CHAT: variants seen among roughly 807,000 people sequenced by gnomAD.
CHAT encodes acetyl CoA:choline O-acetyltransferase.
A neutral mutation model predicts 76.9 loss-of-function variants in CHAT; 61 were observed. That is an observed-to-expected ratio of 0.79 (90% CI 0.65 to 0.98). CHAT has a LOEUF of 0.98. Ranked by LOEUF, CHAT falls within the 50% of genes least tolerant of loss-of-function variation. The probability of loss-of-function intolerance (pLI) is 0.00; values close to 1 mark genes in which losing one functional copy is unlikely to be tolerated. For synonymous variants in CHAT, 407 were observed against 397.4 expected, an observed-to-expected ratio of 1.02 and a Z score of -0.29; for missense variants, 946 against 986.9, an observed-to-expected ratio of 0.96 and a Z score of 0.56.
chr10:49,657,221 G>A (rs1840062928), intron 13 of CHAT, among the ~76,000 whole-genome samples: 1 of 152,128 alleles, frequency 6.6e-6, no homozygotes, highest in African/African-American at 2.4e-5. Flanking sequence ...TTCCAAGATG[G>A]TGCCATGTTG....
At chr10:49,615,364 T>C (rs954623326) in intron 1 of CHAT, among the ~76,000 whole-genome samples, 7 of 152,196 alleles carry the variant, frequency 4.6e-5, no homozygotes, top group African/African-American at 1.7e-4. Flanking sequence ...GGAACAAGCC[T>C]GTGGAGAGTG....
rs144201847 is a variant in CHAT, at chr10:49,646,284, G to A, written c.1112-221G>A. On this transcript the variant is annotated intron_variant, in intron 7 of 14. Transcript: ENST00000337653. ...AGCAGGGCTCCTGCAGGGACCGTGC[G>A]AATGAGCTGGGATCCTGGGGTAGGA... Among the ~76,000 whole-genome samples the A allele has an allele frequency of 1.1e-3, 171 of 152,338 alleles. 1 individual carries two copies. The highest frequency in any genetic ancestry group is 2.4e-3 in the African/African-American group (101 of 41,584).
Position 49,648,518 on chromosome 10 carries a change from C to A in CHAT, c.1293C>A (p.Gly431=). The change falls in exon 9 of 15, where the codon GGC becomes GGA. Residue 431 remains glycine, a synonymous_variant. Coordinates refer to ENST00000337653, the MANE Select transcript of CHAT (RefSeq NM_020549.5). ...CTTTCCTGTTGCAGTTTGTGGTGGG[C>A]CGAGACGGCACCTGCGGTGTGGTGT... ...WYDKSLQFVV[G]RDGTCGVVCE... 1 of 1,613,692 alleles carries A rather than the reference C, an allele frequency of 6.2e-7. No homozygotes were observed.
In CHAT at chr10:49,667,619, G is replaced by A. The variant is rs961153440; in HGVS notation, c.*2573G>A. On this transcript the variant is annotated 3_prime_UTR_variant, in exon 15 of 15. Transcript: ENST00000337653. ...AAGGGCATCTCTGCGGGGACCCTGG[G>A]AAAGGAGCCTGCTCCAGGTGTCCCC... is the stretch of plus-strand genomic sequence containing the variant. Among the ~76,000 whole-genome samples, 3 of 152,208 alleles carry A rather than the reference G, an allele frequency of 2.0e-5. No individual in the cohort carries two copies. Among genetic ancestry groups the A allele is most frequent in the African/African-American group, 4.8e-5 (2 of 41,456 alleles).
At chr10:49,610,564 C>T (rs1838262036), upstream of CHAT, 2 of 564,410 alleles carry the variant, frequency 3.5e-6, no homozygotes, top group South Asian at 3.4e-5. Context: ...CCTCGCCGGA[C>T]GGAGTCCTTT....
chr10:49,610,442 C>T (rs1024561614), upstream of CHAT: 1 of 346,894 alleles, frequency 2.9e-6, no homozygotes, highest in Non-Finnish European at 5.2e-6. Context: ...GGGCGCGCCC[C>T]GGGCGAAGTG....
chr10:49,613,980 T>C, upstream of CHAT: 1 of 867,558 alleles, frequency 1.2e-6, no homozygotes. Flanking sequence ...CTCTCCAGGA[T>C]TCAGCAGCAG....
chr10:49,614,611 G>A, intron 1 of CHAT, 136 bp downstream of exon 1: 1 of 793,720 alleles, frequency 1.3e-6, no homozygotes, highest in Non-Finnish European at 2.0e-6. Flanking sequence ...CTGCGCAGCA[G>A]CGGCCGTCGG....
chr10:49,660,121 G>A (rs2132845940), intron 13 of CHAT, among the ~76,000 whole-genome samples: 1 of 152,254 alleles, frequency 6.6e-6, no homozygotes, highest in South Asian at 2.1e-4. Context: ...GAGAGTAGAA[G>A]TGTGCTGGGG....
intron 7 of CHAT, among the ~76,000 whole-genome samples, chr10:49,631,234 G>A (rs1839108565): frequency 6.6e-6 from 1 of 152,182 alleles, no homozygotes; most frequent in Non-Finnish European, 1.5e-5. Context: ...CACAGACTGG[G>A]AGGCTTCAAC....
intron 6 of CHAT, 151 bp from the exon 7 acceptor site, chr10:49,627,457 C>G (rs539345853): frequency 2.5e-6 from 2 of 813,926 alleles, no homozygotes; most frequent in African/African-American, 3.3e-5. Context: ...ACAGCCTTGG[C>G]TTGGTCCCTA....
At chr10:49,660,540 A>G (rs1247045929) in intron 13 of CHAT, among the ~76,000 whole-genome samples, 3 of 152,172 alleles carry the variant, frequency 2.0e-5, no homozygotes, top group Non-Finnish European at 4.4e-5. Context: ...ATATGTTTGG[A>G]GGAAAGAAAG....
chr10:49,611,746 G>T, upstream of CHAT: 1 of 1,604,228 alleles, frequency 6.2e-7, no homozygotes. Flanking sequence ...GCCGGCCTTC[G>T]TGCCTCATGT....
intron 7 of CHAT, 51 bp downstream of exon 7, chr10:49,627,836 A>G (rs748787887): frequency 5.0e-6 from 8 of 1,587,654 alleles, no homozygotes; most frequent in African/African-American, 1.3e-5. Flanking sequence ...GCTCGTGCCC[A>G]TTGGCTTTCC....
chr10:49,650,063 T>C (rs1422732797), intron 10 of CHAT, among the ~76,000 whole-genome samples: 1 of 152,112 alleles, frequency 6.6e-6, no homozygotes, highest in Admixed American at 6.5e-5. Flanking sequence ...GAGGGGGCCG[T>C]TCAGGCCCTA....
chr10:49,631,232 G>T (rs1450299861), intron 7 of CHAT, among the ~76,000 whole-genome samples: 2 of 152,154 alleles, frequency 1.3e-5, no homozygotes, highest in African/African-American at 4.8e-5. Context: ...ACCACAGACT[G>T]GGAGGCTTCA....
Position 49,665,110 on chromosome 10 carries a change from C to T in CHAT, c.*64C>T. The T allele has an allele frequency of 1.3e-6, 2 of 1,574,970 alleles. No homozygotes were observed. Among genetic ancestry groups the T allele is most frequent in the South Asian group, 1.1e-5 (1 of 90,036 alleles). On this transcript the variant is annotated 3_prime_UTR_variant, in exon 15 of 15. Transcript: ENST00000337653. ...AGAACAGCCAGACCCTGCAGATCCC[C>T]ACTCCCGTCCCTTACCCCAGCTTTC...
At chr10:49,627,476 C>T in intron 6 of CHAT, 132 bp from the exon 7 acceptor site, 2 of 935,116 alleles carry the variant, frequency 2.1e-6, no homozygotes, top group Non-Finnish European at 3.5e-6. Flanking sequence ...TAAACTGAGA[C>T]TAGAACCACC....
rs772971552 is a variant in CHAT, at chr10:49,649,652, G to A, written c.1511+16G>A. On this transcript the variant is annotated intron_variant, in intron 10 of 14. Transcript: ENST00000337653. ...AACTTCAACGGTAAGGATAACCGAA[G>A]TCTCCTTTGAGGGGTCCCCTAGGGA... 1.0e-4 allele frequency: 167 copies of A among 1,613,456 alleles called. 2 individuals are homozygous for A. The South Asian group carries it at 1.8e-3, about 17-fold the overall frequency.
Sources: gnomAD v4.1 joint callset for allele counts (sites outside exome capture counted in the v4.1 genomes callset) on GRCh38, gnomAD v4.1.1 for gene constraint, MANE v1.5 for transcripts, NCBI Gene and HGNC (gene_info 2026-07-23, HGNC 2026-07-21) for gene names.